DRG1: variants seen among roughly 807,000 people sequenced by gnomAD.
DRG1 encodes the protein developmentally regulated GTP binding protein 1.
A neutral mutation model predicts 38.8 loss-of-function variants in DRG1; 19 were observed. The ratio of observed to expected loss-of-function variants is 0.49; its 90% CI spans 0.34 to 0.72. The LOEUF (loss-of-function observed/expected upper bound fraction) is 0.72. Among genes scored for constraint, DRG1 ranks in the 30% least tolerant of loss-of-function variants. DRG1 has a pLI of 0.01. For missense variants in DRG1, 299 were observed against 444.8 expected (o/e 0.67, Z 2.95); for synonymous variants, 167 against 157.5 (o/e 1.06, Z -0.45).
At chr22:31,403,608 TG>T (rs1267300103) in intron 3 of DRG1, among the ~76,000 whole-genome samples, 4 of 151,902 alleles carry the variant, frequency 2.6e-5, no homozygotes, top group Non-Finnish European at 5.9e-5. Context: ...CACCTGAGGG[TG>T]GGGGCTGGGA....
At chr22:31,431,914 T>G (rs535577361) in intron 8 of DRG1, among the ~76,000 whole-genome samples, 3 of 152,262 alleles carry the variant, frequency 2.0e-5, no homozygotes, top group East Asian at 3.9e-4. Flanking sequence ...TCTTTCCTTC[T>G]ATGGTGGCAA....
intron 4 of DRG1, among the ~76,000 whole-genome samples, chr22:31,413,609 GTTTTT>G (rs35654476): frequency 8.3e-5 from 5 of 60,484 alleles, no homozygotes; most frequent in Admixed American, 2.5e-4. Flanking sequence ...CCTATTGTGG[GTTTTT>G]TTTTTTTTTT....
chr22:31,428,990 G>C (rs752433779), intron 8 of DRG1, among the ~76,000 whole-genome samples: 6 of 152,090 alleles, frequency 3.9e-5, no homozygotes, highest in Non-Finnish European at 2.9e-5. Context: ...AGTTGGTGTA[G>C]GGTGGGTTTC....
chr22:31,433,210 A>G (rs1298473987), intron 8 of DRG1, among the ~76,000 whole-genome samples: 1 of 151,258 alleles, frequency 6.6e-6, no homozygotes, highest in African/African-American at 2.4e-5. Context: ...TATAAGTGAT[A>G]TTGTATCTGT....
At chr22:31,429,198 A>T (rs1431911632) in intron 8 of DRG1, among the ~76,000 whole-genome samples, 1 of 152,098 alleles carries the variant, frequency 6.6e-6, no homozygotes, top group East Asian at 1.9e-4. Context: ...AGCTCACTGC[A>T]ACCTCTGGCT....
At chr22:31,400,777 G>A in intron 2 of DRG1, 34 bp downstream of exon 2, 1 of 1,590,360 alleles carries the variant, frequency 6.3e-7, no homozygotes, top group African/African-American at 1.4e-5. Flanking sequence ...ATATTTTTAG[G>A]TATAATTTTT....
chr22:31,414,341 T>G (rs2050033257), intron 4 of DRG1, among the ~76,000 whole-genome samples: 1 of 152,160 alleles, frequency 6.6e-6, no homozygotes, highest in Non-Finnish European at 1.5e-5. Context: ...AGTTAACGTG[T>G]AAGATTACAT....
chr22:31,404,248 C>CT (rs535637820), intron 3 of DRG1, among the ~76,000 whole-genome samples: 4,807 of 138,192 alleles, frequency 0.035, 123 homozygotes, highest in African/African-American at 0.071. Flanking sequence ...CCTTAATCTT[C>CT]TTTTTTTTTT....
At chr22:31,413,684 G>A (rs2050030268) in intron 4 of DRG1, among the ~76,000 whole-genome samples, 1 of 121,728 alleles carries the variant, frequency 8.2e-6, no homozygotes, top group Non-Finnish European at 1.6e-5. Flanking sequence ...GTGCGATCTT[G>A]GCTCATGCAA....
intron 2 of DRG1, 99 bp downstream of exon 2, chr22:31,400,842 T>G: frequency 5.1e-6 from 7 of 1,370,058 alleles, no homozygotes; most frequent in Non-Finnish European, 6.9e-6. Flanking sequence ...CCCAGTGCAG[T>G]GGCTCAACGC....
At chr22:31,406,799 A>C (rs528207934) in intron 3 of DRG1, among the ~76,000 whole-genome samples, 1 of 152,338 alleles carries the variant, frequency 6.6e-6, no homozygotes, top group East Asian at 1.9e-4. Flanking sequence ...ACATTTCTGC[A>C]ACAGTATTCA....
chr22:31,400,860 C>A, intron 2 of DRG1, 117 bp downstream of exon 2: 1 of 1,235,896 alleles, frequency 8.1e-7, no homozygotes, highest in Non-Finnish European at 1.1e-6. Context: ...CGCCTGCAAT[C>A]CTAGCATGCT....
intron 2 of DRG1, among the ~76,000 whole-genome samples, chr22:31,402,320 A>G (rs1371468556): frequency 6.6e-6 from 1 of 152,104 alleles, no homozygotes; most frequent in East Asian, 1.9e-4. Context: ...AAACCCAGTC[A>G]GTCATACAAT....
rs550850521 is a variant in DRG1 at position 31,407,126 on chromosome 22, T to C, written c.343-3886T>C. Among the ~76,000 whole-genome samples the C allele has an allele frequency of 5.9e-5, 9 of 152,328 alleles. No individual in the cohort carries two copies. The South Asian group carries it at 1.5e-3, about 25-fold the overall frequency. On this transcript the variant is annotated intron_variant, in intron 3 of 8. Coordinates refer to ENST00000331457, the MANE Select transcript of DRG1 (RefSeq NM_004147.4). ...AGTGCCTCCTACCATGGGATTCATA[T>C]TGTCAGTATGTCTTATTGGTGATAT...
In DRG1 at chr22:31,402,191, C is replaced by T. The variant is rs565060761; in HGVS notation, c.167-838C>T. Among the ~76,000 whole-genome samples the T allele has an allele frequency of 2.9e-3, 436 of 151,684 alleles. 1 individual carries two copies. The highest frequency in any genetic ancestry group is 5.2e-3 in the Non-Finnish European group (352 of 67,936). The stretch of plus-strand genomic sequence containing the variant: ...GTAGGAAAAATAAGTCGAAGCCAAG[C>T]GAGATAAGATTTAGGACTAAAAGGA... On this transcript the variant is annotated intron_variant, in intron 2 of 8. Coordinates refer to ENST00000331457, the MANE Select transcript of DRG1 (RefSeq NM_004147.4).
chr22:31,433,783 T>A, intron 8 of DRG1, 89 bp from the exon 9 acceptor site: 1 of 1,159,348 alleles, frequency 8.6e-7, no homozygotes, highest in South Asian at 1.3e-5. Context: ...GGTATGATAC[T>A]AAATCTGAGC....
At chr22:31,400,123 A>C (rs1042425796) in intron 1 of DRG1, among the ~76,000 whole-genome samples, 26 of 151,908 alleles carry the variant, frequency 1.7e-4, no homozygotes, top group African/African-American at 5.6e-4. Flanking sequence ...ATCTTTCCTC[A>C]TCATCCTTCG....
rs1168970758 is a variant in DRG1, at chr22:31,423,273, C to T, written c.583-7C>T. ...GTGCTGACTAGTCATCTGCTATTCCCTTTCAGTGCCCCCAGAGTGAGCTGG... is the reference window on the plus strand; with the variant it reads ...GTGCTGACTAGTCATCTGCTATTCCTTTTCAGTGCCCCCAGAGTGAGCTGG... On this transcript the variant is annotated splice_region_variant and splice_polypyrimidine_tract_variant and intron_variant, in intron 5 of 8. Coordinates refer to ENST00000331457, the MANE Select transcript of DRG1 (RefSeq NM_004147.4). The T allele has an allele frequency of 2.2e-5, 36 of 1,613,598 alleles. No homozygotes were observed. The highest frequency in any genetic ancestry group is 3.1e-5 in the Non-Finnish European group (36 of 1,179,980).
intron 6 of DRG1, among the ~76,000 whole-genome samples, chr22:31,425,215 C>A (rs1322877574): frequency 6.6e-6 from 1 of 152,074 alleles, no homozygotes; most frequent in Admixed American, 6.6e-5. Flanking sequence ...TTTACAGCCT[C>A]TTCCTATGAA....
Sources: allele counts gnomAD v4.1 joint callset (sites outside exome capture counted in the v4.1 genomes callset), GRCh38; gene constraint gnomAD v4.1.1; transcripts MANE v1.5; gene names NCBI Gene and HGNC (gene_info 2026-07-23, HGNC 2026-07-21).